Variants in CCDC141 observed in about 807,000 individuals in gnomAD.
CCDC141 encodes the protein coiled-coil domain containing 141.
In CCDC141, 168 loss-of-function variants were observed where a neutral mutation model predicts 181.0. That is an observed-to-expected ratio of 0.93 (90% CI 0.82 to 1.05). The LOEUF (loss-of-function observed/expected upper bound fraction) is 1.05. Ranked by LOEUF, CCDC141 falls within the 50% of genes least tolerant of loss-of-function variation. The probability of loss-of-function intolerance (pLI) is 0.00; values close to 1 mark genes in which losing one functional copy is unlikely to be tolerated. For missense variants in CCDC141, 1,902 were observed against 1,788.5 expected, an observed-to-expected ratio of 1.06 and a Z score of -1.14; for synonymous variants, 666 against 642.3, an observed-to-expected ratio of 1.04 and a Z score of -0.56.
rs540089420 is a variant in CCDC141 at position 179,017,644 on chromosome 2, T to C, written c.225+29640A>G. On this transcript the variant is annotated intron_variant, in intron 2 of 23. Transcript: ENST00000443758. ...TACACTTCAATCTATTTGCAAAGTA[T>C]AAAAAAATCAATTTTTGTCCTTACC... Among the ~76,000 whole-genome samples, 4 of 152,234 alleles carry C rather than the reference T, an allele frequency of 2.6e-5. No homozygotes were observed. The East Asian group carries it at 7.7e-4, about 29-fold the overall frequency.
At chr2:178,923,519 G>T (rs986113666) in intron 6 of CCDC141, among the ~76,000 whole-genome samples, 1 of 152,166 alleles carries the variant, frequency 6.6e-6, no homozygotes, top group East Asian at 1.9e-4. Flanking sequence ...AGAAAATCTC[G>T]TTCTGTTTTC....
chr2:178,983,513 T>G (rs146581171), intron 2 of CCDC141, among the ~76,000 whole-genome samples: 1 of 142,180 alleles, frequency 7.0e-6, no homozygotes, highest in Non-Finnish European at 1.6e-5. Context: ...GATCAAATTA[T>G]TCTGAGCTAC....
chr2:178,885,221 G>C, intron 10 of CCDC141, 129 bp from the exon 11 acceptor site: 75 of 380,730 alleles, frequency 2.0e-4, no homozygotes, highest in East Asian at 1.1e-3. Context: ...CCTCAATAAA[G>C]AAAGACACAA....
At chr2:178,819,232 A>T in the CCDC141 span, among the ~76,000 whole-genome samples, 1 of 152,184 alleles carries the variant, frequency 6.6e-6, no homozygotes, top group African/African-American at 2.4e-5. Flanking sequence ...TTTGCTGTCA[A>T]ATTCCAGAAT....
chr2:178,984,159 G>T (rs1376384056), intron 2 of CCDC141, among the ~76,000 whole-genome samples: 180 of 150,548 alleles, frequency 1.2e-3, no homozygotes, highest in African/African-American at 4.1e-3. Context: ...GGGGCCAATA[G>T]TCAACATTCT....
chr2:178,821,210 T>C, the CCDC141 span, among the ~76,000 whole-genome samples: 33,009 of 152,072 alleles, frequency 0.22, 6,018 homozygotes, highest in East Asian at 0.74. Context: ...TGTTTGGGTA[T>C]ACCAAGTTTT....
chr2:179,039,509 G>A (rs903206266), intron 2 of CCDC141, among the ~76,000 whole-genome samples: 3 of 151,974 alleles, frequency 2.0e-5, no homozygotes, highest in Non-Finnish European at 4.4e-5. Flanking sequence ...GGTGTGTGAA[G>A]GTAACCGTTA....
chr2:179,015,156 A>C (rs2042428547), intron 2 of CCDC141, among the ~76,000 whole-genome samples: 1 of 113,716 alleles, frequency 8.8e-6, no homozygotes, highest in Admixed American at 1.0e-4. Flanking sequence ...AATATATCTC[A>C]TATACATCTC....
At chr2:178,850,611 A>G (rs1209823747) in intron 20 of CCDC141, among the ~76,000 whole-genome samples, 2 of 152,136 alleles carry the variant, frequency 1.3e-5, no homozygotes, top group African/African-American at 4.8e-5. Flanking sequence ...TCCTCCCTGA[A>G]GATCCACACA....
At chr2:179,036,868 T>C (rs925867331) in intron 2 of CCDC141, among the ~76,000 whole-genome samples, 26 of 152,254 alleles carry the variant, frequency 1.7e-4, no homozygotes, top group Non-Finnish European at 1.6e-4. Flanking sequence ...TTGATCTCAC[T>C]CCTTTCTCTT....
At chr2:178,844,931 T>C (rs1022836136) in intron 22 of CCDC141, among the ~76,000 whole-genome samples, 6 of 152,208 alleles carry the variant, frequency 3.9e-5, no homozygotes, top group South Asian at 2.1e-4. Context: ...CAGCTGTGAA[T>C]AGAGAGTGAG....
chr2:178,871,428 T>C lies in CCDC141; in HGVS notation c.2204A>G (p.Gln735Arg). Reference protein sequence around the residue: ...QKWNDMKPQFQQLNDEVQYIM... With the variant: ...QKWNDMKPQFRQLNDEVQYIM... ...AAATCCAGCAATATATTTCTTCACC[T>C]GGAACTGAGGCTTCATGTCATTCCA... The change falls in exon 14 of 24, where the codon CAG (glutamine) becomes CGG (arginine). Residue 735 changes from glutamine (Q) to arginine (R), a missense_variant and splice_region_variant. Transcript: ENST00000443758. 7 of 1,612,938 alleles carry C rather than the reference T, an allele frequency of 4.3e-6. No homozygotes were observed. Among genetic ancestry groups the C allele is most frequent in the Non-Finnish European group, 5.9e-6 (7 of 1,179,574 alleles).
Position 178,905,419 on chromosome 2 carries a change from C to A in CCDC141, c.1175G>T (p.Arg392Met), listed in dbSNP as rs1375705268. The A allele has an allele frequency of 6.4e-7, 1 of 1,550,958 alleles. No homozygotes were observed. The highest frequency in any genetic ancestry group is 2.0e-5 in the Admixed American group (1 of 51,006). ...AATTTTTCTGTGTAATTCCTCATGC[C>A]TCACTGCCAAAACAGCCAGACTTAA... ...EGLSLAVLAV[R>M]HEELHRKIKD... The change falls in exon 8 of 24, where the codon AGG (arginine) becomes ATG (methionine). Residue 392 changes from arginine to methionine, a missense_variant. Transcript: ENST00000443758.
intron 7 of CCDC141, among the ~76,000 whole-genome samples, chr2:178,915,419 G>A (rs908146776): frequency 1.3e-5 from 2 of 152,096 alleles, no homozygotes; most frequent in East Asian, 3.8e-4. Context: ...AGATATTCAA[G>A]CTATCCCACT....
intron 2 of CCDC141, among the ~76,000 whole-genome samples, chr2:179,023,020 G>T (rs1018119315): frequency 6.6e-5 from 10 of 152,200 alleles, no homozygotes; most frequent in Non-Finnish European, 2.9e-5. Flanking sequence ...AGGGCACACA[G>T]CATGCTGGGT....
At chr2:178,930,030 G>GTA (rs1430089281) in intron 6 of CCDC141, among the ~76,000 whole-genome samples, 2 of 152,098 alleles carry the variant, frequency 1.3e-5, no homozygotes, top group Admixed American at 1.3e-4. Flanking sequence ...GGGGAAACTT[G>GTA]CAGATGATAT....
intron 2 of CCDC141, among the ~76,000 whole-genome samples, chr2:179,035,338 T>G (rs2043114771): frequency 6.6e-6 from 1 of 152,154 alleles, no homozygotes; most frequent in Non-Finnish European, 1.5e-5. Context: ...CCATAAAAAC[T>G]CTTGTTTTCT....
intron 7 of CCDC141, among the ~76,000 whole-genome samples, chr2:178,909,074 C>CATCT (rs1688108280): frequency 6.6e-6 from 1 of 152,158 alleles, no homozygotes. Flanking sequence ...GCATTGGTCT[C>CATCT]ATCTTTATTG....
At chr2:178,890,733 T>G (rs1302034707) in intron 8 of CCDC141, among the ~76,000 whole-genome samples, 1 of 152,192 alleles carries the variant, frequency 6.6e-6, no homozygotes, top group African/African-American at 2.4e-5. Flanking sequence ...CAGCCTCCTC[T>G]TTGGCCATTT....
Sources: gnomAD v4.1 joint callset for allele counts (sites outside exome capture counted in the v4.1 genomes callset) on GRCh38, gnomAD v4.1.1 for gene constraint, MANE v1.5 for transcripts, NCBI Gene and HGNC (gene_info 2026-07-23, HGNC 2026-07-21) for gene names.